The following SPOPL variants were observed in gnomAD, a reference collection of about 807,000 sequenced individuals.
SPOPL encodes the protein speckle-type POZ protein-like.
A neutral mutation model predicts 53.8 loss-of-function variants in SPOPL; 23 were observed. The ratio of observed to expected loss-of-function variants is 0.43; its 90% CI spans 0.31 to 0.61. The LOEUF is 0.61. Among genes scored for constraint, SPOPL ranks in the 20% least tolerant of loss-of-function variants. The pLI is 0.12. For missense variants in SPOPL, 442 were observed against 466.9 expected (o/e 0.95, Z 0.49); for synonymous variants, 164 against 149.7 (o/e 1.10, Z -0.70).
intron 1 of SPOPL, among the ~76,000 whole-genome samples, chr2:138,534,325 A>G (rs1684881480): frequency 6.6e-6 from 1 of 152,230 alleles, no homozygotes. Flanking sequence ...ATAAAACAGC[A>G]CAGTATAACA....
intron 1 of SPOPL, among the ~76,000 whole-genome samples, chr2:138,530,685 CT>C (rs1684786917): frequency 6.6e-6 from 1 of 152,162 alleles, no homozygotes; most frequent in Non-Finnish European, 1.5e-5. Context: ...TATATGCTGA[CT>C]TAGTATACAG....
intron 10 of SPOPL, among the ~76,000 whole-genome samples, chr2:138,567,391 GT>G (rs1685685787): frequency 7.3e-6 from 1 of 137,090 alleles, no homozygotes; most frequent in East Asian, 2.6e-4. Flanking sequence ...GTGTGTGTGT[GT>G]GTGTGTGTGT....
At chr2:138,546,374 C>T (rs904940180) in intron 1 of SPOPL, among the ~76,000 whole-genome samples, 1 of 152,112 alleles carries the variant, frequency 6.6e-6, no homozygotes, top group Non-Finnish European at 1.5e-5. Flanking sequence ...TCTCTGCAAC[C>T]TTTTTCTGTA....
intron 1 of SPOPL, among the ~76,000 whole-genome samples, chr2:138,540,063 C>T (rs1173455004): frequency 1.3e-5 from 2 of 152,070 alleles, no homozygotes; most frequent in Non-Finnish European, 2.9e-5. Flanking sequence ...TGTAGATACG[C>T]GGCATTCTTT....
intron 1 of SPOPL, among the ~76,000 whole-genome samples, chr2:138,507,916 G>T (rs187515961): frequency 6.6e-6 from 1 of 152,148 alleles, no homozygotes; most frequent in Non-Finnish European, 1.5e-5. Flanking sequence ...TTCAATAACT[G>T]ATAGCATAAA....
intron 10 of SPOPL, among the ~76,000 whole-genome samples, chr2:138,566,491 A>G (rs1301533494): frequency 1.3e-5 from 2 of 152,224 alleles, no homozygotes; most frequent in South Asian, 2.1e-4. Flanking sequence ...ATTGGTATCT[A>G]TGTGATTCTA....
intron 1 of SPOPL, among the ~76,000 whole-genome samples, chr2:138,513,275 C>T (rs574048064): frequency 2.3e-4 from 35 of 152,256 alleles, no homozygotes; most frequent in African/African-American, 8.2e-4. Context: ...AAAATTAGGC[C>T]GGGCATAGTG....
In SPOPL at chr2:138,571,823, C is replaced by T. The variant is rs1400160321; in HGVS notation, c.*2743C>T. 1 of 152,442 alleles carries T rather than the reference C, an allele frequency of 6.6e-6. No homozygotes were observed. Among genetic ancestry groups the T allele is most frequent in the Non-Finnish European group, 1.5e-5 (1 of 68,010 alleles). 9.4% of individuals were successfully genotyped at this position (152,442 alleles called of 1,614,324 possible). A position where few individuals can be genotyped will look rare whatever the true frequency, so the allele number is the denominator to read the frequency against. ...ATCATTGGGTAACTGTTGTTTAGAC[C>T]AACACTTAGAAATACTATATTTGTG... On this transcript the variant is annotated 3_prime_UTR_variant, in exon 11 of 11. Transcript: ENST00000280098.
At chr2:138,555,831 TTTGAGGTTTTGCTTTGCAACA>T (rs1685413245) in intron 5 of SPOPL, among the ~76,000 whole-genome samples, 1 of 152,184 alleles carries the variant, frequency 6.6e-6, no homozygotes, top group African/African-American at 2.4e-5. Flanking sequence ...GTCAAATGAC[TTTGAGGTTTTGCTTTGCAACA>T]TTTAACAATT....
rs71406327 is a variant in SPOPL at position 138,525,656 on chromosome 2, GA to G, written c.-61+23555del. ...AAGACCTGCATCAGTATAAAAAGTA[GA>G]AAAAAAAAAAAAAAAAATACACAAA... On this transcript the variant is annotated intron_variant, in intron 1 of 10. Transcript: ENST00000280098. 4.1e-3 allele frequency among the ~76,000 whole-genome samples: 124 copies of G among 30,020 alleles called. 2 individuals are homozygous for G. The highest frequency in any genetic ancestry group is 7.3e-3 in the African/African-American group (93 of 12,818). The allele number at this position is 30,020 out of a possible 152,430, so 19.7% of individuals were successfully genotyped here.
chr2:138,506,082 A>G (rs2104852106), intron 1 of SPOPL, among the ~76,000 whole-genome samples: 1 of 152,334 alleles, frequency 6.6e-6, no homozygotes, highest in South Asian at 2.1e-4. Flanking sequence ...AAGCCACCAG[A>G]GAATGTTAAA....
intron 1 of SPOPL, among the ~76,000 whole-genome samples, chr2:138,549,097 T>A (rs977442544): frequency 4.6e-5 from 7 of 152,064 alleles, no homozygotes; most frequent in Admixed American, 4.6e-4. Context: ...TTTTTTTATT[T>A]TCCTGGTTCT....
chr2:138,512,655 C>CA (rs149292033), intron 1 of SPOPL, among the ~76,000 whole-genome samples: 2,171 of 152,224 alleles, frequency 0.014, 44 homozygotes, highest in African/African-American at 0.05. Context: ...ACCCTGATAA[C>CA]AAAAATGGGT....
chr2:138,529,531 T>TGCGCGCGC (rs1218250973), intron 1 of SPOPL, among the ~76,000 whole-genome samples: 2 of 88,876 alleles, frequency 2.3e-5, no homozygotes, highest in Admixed American at 1.0e-4. Context: ...TGTGTGTGTG[T>TGCGCGCGC]GTGTTTGCGT....
At chr2:138,527,347 A>G (rs1206119636) in intron 1 of SPOPL, among the ~76,000 whole-genome samples, 2 of 152,172 alleles carry the variant, frequency 1.3e-5, no homozygotes, top group African/African-American at 4.8e-5. Flanking sequence ...CTGTCAGATC[A>G]ATACTGGACC....
In SPOPL at chr2:138,550,206, A is replaced by G. The variant is rs766150089; in HGVS notation, c.-11A>G. Reference sequence around the variant, plus strand: ...ACTACATAAATCCTGAAAGACTACAATAAAGTGGTGATGTCTCGGGAACCC... The same window carrying G: ...ACTACATAAATCCTGAAAGACTACAGTAAAGTGGTGATGTCTCGGGAACCC... On this transcript the variant is annotated 5_prime_UTR_variant, in exon 2 of 11. Coordinates refer to ENST00000280098, the MANE Select transcript of SPOPL (RefSeq NM_001001664.3). The G allele has an allele frequency of 8.1e-6, 13 of 1,612,872 alleles. No homozygotes were observed. The highest frequency in any genetic ancestry group is 1.0e-5 in the Non-Finnish European group (12 of 1,179,292).
rs903914584 is a variant in SPOPL at position 138,571,267 on chromosome 2, T to G, written c.*2187T>G. ...CGCACCACACCGGCACATTGTGATT[T>G]AATTCACCGCTTGAATCTATATTTC... On this transcript the variant is annotated 3_prime_UTR_variant, in exon 11 of 11. Coordinates refer to ENST00000280098, the MANE Select transcript of SPOPL (RefSeq NM_001001664.3). 5 of 152,574 alleles carry G rather than the reference T, an allele frequency of 3.3e-5. No individual in the cohort carries two copies. The highest frequency in any genetic ancestry group is 1.2e-4 in the African/African-American group (5 of 41,462). 9.5% of individuals were successfully genotyped at this position (152,574 alleles called of 1,614,324 possible). A position where few individuals can be genotyped will look rare whatever the true frequency, so the allele number is the denominator to read the frequency against.
chr2:138,502,311 C>T (rs748389951), intron 1 of SPOPL, among the ~76,000 whole-genome samples, 192 bp downstream of exon 1: 22 of 152,038 alleles, frequency 1.4e-4, no homozygotes, highest in African/African-American at 3.6e-4. Context: ...CCCGGACCGC[C>T]CTTCCCTCGC....
chr2:138,515,330 A>G (rs963708914), intron 1 of SPOPL, among the ~76,000 whole-genome samples: 3 of 152,206 alleles, frequency 2.0e-5, no homozygotes, highest in African/African-American at 7.2e-5. Context: ...TTACTTGACC[A>G]TCTACCCAGA....
Sources: gnomAD v4.1 joint callset for allele counts (sites outside exome capture counted in the v4.1 genomes callset) on GRCh38, gnomAD v4.1.1 for gene constraint, MANE v1.5 for transcripts, NCBI Gene and HGNC (gene_info 2026-07-23, HGNC 2026-07-21) for gene names.